The following PTPRD variants were observed in gnomAD, a reference collection of about 807,000 sequenced individuals.
The protein encoded by PTPRD is receptor-type tyrosine-protein phosphatase delta.
A neutral mutation model predicts 214.5 loss-of-function variants in PTPRD; 34 were observed. The observed-to-expected ratio is 0.16, with a 90% confidence interval of 0.12 to 0.21. The LOEUF is 0.21. Among genes scored for constraint, PTPRD ranks in the 10% least tolerant of loss-of-function variants. The pLI, the probability that PTPRD is intolerant of heterozygous loss-of-function variation, is 1.00. For synonymous variants in PTPRD, 1,128 were observed against 845.7 expected (o/e 1.33, Z -5.79); for missense variants, 2,545 against 2,398.7 (o/e 1.06, Z -1.27).
At chr9:9,976,355 C>T (rs2154056700) in intron 4 of PTPRD, among the ~76,000 whole-genome samples, 1 of 152,098 alleles carries the variant, frequency 6.6e-6, no homozygotes, top group South Asian at 2.1e-4. Context: ...CACAAATACA[C>T]TTTTTATGCA....
chr9:9,873,890 G>A (rs1204306699), intron 5 of PTPRD, among the ~76,000 whole-genome samples: 1 of 152,040 alleles, frequency 6.6e-6, no homozygotes, highest in African/African-American at 2.4e-5. Context: ...ATTTTAATGG[G>A]TTTTATACTT....
intron 3 of PTPRD, among the ~76,000 whole-genome samples, chr9:10,107,473 A>G (rs1028401271): frequency 6.6e-6 from 1 of 152,068 alleles, no homozygotes; most frequent in Non-Finnish European, 1.5e-5. Flanking sequence ...CCCAGAGTTT[A>G]TTGATTAACT....
At chr9:10,204,756 T>C (rs1369068535) in intron 3 of PTPRD, among the ~76,000 whole-genome samples, 9 of 152,160 alleles carry the variant, frequency 5.9e-5, no homozygotes, top group Non-Finnish European at 1.3e-4. Context: ...GCAAAATTAA[T>C]ATCTAATACA....
chr9:9,452,247 T>A (rs1293806540), intron 8 of PTPRD, among the ~76,000 whole-genome samples: 1 of 151,466 alleles, frequency 6.6e-6, no homozygotes, highest in Non-Finnish European at 1.5e-5. Context: ...CAATTGACAA[T>A]AGAATAATAT....
rs146842402 is a variant in PTPRD at position 9,652,565 on chromosome 9, C to T, written c.-286-77784G>A. ...ATTGTGAAATCCTTCAGGACAAATTCAAGGTCTTTTACTTGTCTTTTTATC... is the reference window on the plus strand; with the variant it reads ...ATTGTGAAATCCTTCAGGACAAATTTAAGGTCTTTTACTTGTCTTTTTATC... On this transcript the variant is annotated intron_variant, in intron 7 of 45. Coordinates refer to ENST00000381196, the MANE Select transcript of PTPRD (RefSeq NM_002839.4). 6.4e-3 allele frequency among the ~76,000 whole-genome samples: 974 copies of T among 151,950 alleles called. 8 individuals carry two copies. Among genetic ancestry groups the T allele is most frequent in the African/African-American group, 0.023 (941 of 41,472 alleles).
At chr9:9,510,353 T>A (rs72706518) in intron 8 of PTPRD, among the ~76,000 whole-genome samples, 17,911 of 151,678 alleles carry the variant, frequency 0.12, 1,131 homozygotes, top group Middle Eastern at 0.16. Flanking sequence ...ATTCTTTTAG[T>A]TTTTATCAGC....
chr9:8,503,354 T>C (rs1330466659), intron 23 of PTPRD, among the ~76,000 whole-genome samples: 1 of 152,134 alleles, frequency 6.6e-6, no homozygotes, highest in Non-Finnish European at 1.5e-5. Flanking sequence ...ATCTATTGTA[T>C]AATTCACTAT....
intron 43 of PTPRD, among the ~76,000 whole-genome samples, chr9:8,337,471 C>T (rs955426035): frequency 5.9e-5 from 9 of 151,808 alleles, no homozygotes; most frequent in South Asian, 2.1e-4. Flanking sequence ...TCTAGGGGAA[C>T]GATAGCATTA....
Position 9,714,089 on chromosome 9 carries a change from C to CAAA in PTPRD, c.-287+20441_-287+20443dup, listed in dbSNP as rs5896350. 3.8e-3 allele frequency among the ~76,000 whole-genome samples: 482 copies of CAAA among 126,960 alleles called. 3 individuals carry two copies. The highest frequency in any genetic ancestry group is 0.013 in the African/African-American group (438 of 34,490). The allele number at this position is 126,960 out of a possible 152,430, so 83.3% of individuals were successfully genotyped here. A position where few individuals can be genotyped will look rare whatever the true frequency, so the allele number is the denominator to read the frequency against. On this transcript the variant is annotated intron_variant, in intron 7 of 45. Coordinates refer to ENST00000381196, the MANE Select transcript of PTPRD (RefSeq NM_002839.4). The stretch of plus-strand genomic sequence containing the variant: ...TTTTACAAGATGTTGTTCACTTGCG[C>CAAA]AAAAAAAAAAAAAAAAAAAAATTTG...
At chr9:9,883,287 C>T (rs1453780176) in intron 5 of PTPRD, among the ~76,000 whole-genome samples, 4 of 152,150 alleles carry the variant, frequency 2.6e-5, no homozygotes, top group Non-Finnish European at 5.9e-5. Context: ...AAATTTATTA[C>T]TTCCTCTTCA....
At chr9:8,421,166 T>C (rs1188397787) in intron 35 of PTPRD, among the ~76,000 whole-genome samples, 1 of 152,164 alleles carries the variant, frequency 6.6e-6, no homozygotes, top group African/African-American at 2.4e-5. Flanking sequence ...ATATATCATG[T>C]GACTATGCTT....
intron 11 of PTPRD, among the ~76,000 whole-genome samples, chr9:8,924,645 G>A (rs1269535905): frequency 6.6e-6 from 1 of 151,734 alleles, no homozygotes; most frequent in Admixed American, 6.6e-5. Flanking sequence ...TAGCAAACTC[G>A]CCAACTCCTC....
At chr9:10,180,604 C>CAA (rs1288616582) in intron 3 of PTPRD, among the ~76,000 whole-genome samples, 4,043 of 76,104 alleles carry the variant, frequency 0.053, 97 homozygotes, top group African/African-American at 0.081. Context: ...AGATAAAGTA[C>CAA]AAAAAAAAAA....
intron 12 of PTPRD, among the ~76,000 whole-genome samples, chr9:8,697,814 G>A (rs2097958167): frequency 6.6e-6 from 1 of 152,174 alleles, no homozygotes; most frequent in East Asian, 1.9e-4. Flanking sequence ...TGTATGCAAT[G>A]ACATTATTGG....
At chr9:10,560,957 G>A (rs916238297) in intron 2 of PTPRD, among the ~76,000 whole-genome samples, 2 of 152,202 alleles carry the variant, frequency 1.3e-5, no homozygotes, top group Non-Finnish European at 2.9e-5. Flanking sequence ...TGATCTTGAT[G>A]AATGTGGGTG....
At chr9:10,586,914 C>G (rs1345222830) in intron 2 of PTPRD, among the ~76,000 whole-genome samples, 1 of 151,560 alleles carries the variant, frequency 6.6e-6, no homozygotes, top group Non-Finnish European at 1.5e-5. Flanking sequence ...CACACTTTTG[C>G]TTATCATTTT....
intron 5 of PTPRD, among the ~76,000 whole-genome samples, chr9:9,867,094 G>C: frequency 6.6e-6 from 1 of 152,054 alleles, no homozygotes; most frequent in African/African-American, 2.4e-5. Flanking sequence ...AAATCATAGA[G>C]GTTCACCTAT....
intron 12 of PTPRD, among the ~76,000 whole-genome samples, chr9:8,698,372 G>A (rs1005182630): frequency 2.6e-5 from 4 of 152,152 alleles, no homozygotes; most frequent in Non-Finnish European, 4.4e-5. Flanking sequence ...TGTAAAAAAC[G>A]GTGGCTGTAG....
At chr9:8,420,156 T>A (rs1035978400) in intron 35 of PTPRD, among the ~76,000 whole-genome samples, 1 of 152,078 alleles carries the variant, frequency 6.6e-6, no homozygotes, top group Non-Finnish European at 1.5e-5. Flanking sequence ...TTTGGTTAAG[T>A]TTGGATAAAA....
Sources: allele counts gnomAD v4.1 joint callset (sites outside exome capture counted in the v4.1 genomes callset), GRCh38; gene constraint gnomAD v4.1.1; transcripts MANE v1.5; gene names NCBI Gene and HGNC (gene_info 2026-07-23, HGNC 2026-07-21).